The following LRRC8D variants were observed in gnomAD, a reference collection of about 807,000 sequenced individuals.
LRRC8D encodes leucine rich repeat containing 8 VRAC subunit D, also known as volume-regulated anion channel subunit LRRC8D.
A neutral mutation model predicts 55.8 loss-of-function variants in LRRC8D; 20 were observed. That is an observed-to-expected ratio of 0.36 (90% confidence interval 0.25 to 0.52). The LOEUF (loss-of-function observed/expected upper bound fraction) is 0.52. Among genes scored for constraint, LRRC8D ranks in the 20% least tolerant of loss-of-function variants. LRRC8D has a pLI of 0.93. For missense variants in LRRC8D, 651 were observed against 1,030.8 expected (o/e 0.63, Z 5.05); for synonymous variants, 352 against 377.0 (o/e 0.93, Z 0.77).
At chr1:89,863,877 T>G (rs994848367) in intron 2 of LRRC8D, among the ~76,000 whole-genome samples, 1 of 152,232 alleles carries the variant, frequency 6.6e-6, no homozygotes, top group Admixed American at 6.5e-5. Flanking sequence ...CCCAGGGTTG[T>G]TTGTTCTTAG....
chr1:89,849,258 G>A (rs542672703), intron 2 of LRRC8D, among the ~76,000 whole-genome samples: 3 of 152,294 alleles, frequency 2.0e-5, no homozygotes, highest in Admixed American at 2.0e-4. Context: ...GGACATGAAA[G>A]GGTCAACATT....
intron 1 of LRRC8D, among the ~76,000 whole-genome samples, chr1:89,841,941 GGT>G (rs1474785160): frequency 6.6e-6 from 1 of 152,134 alleles, no homozygotes; most frequent in Non-Finnish European, 1.5e-5. Context: ...GGCCAGGAGT[GGT>G]GGTTTACGCC....
chr1:89,884,641 C>G (rs1327673947), intron 2 of LRRC8D, among the ~76,000 whole-genome samples: 1 of 152,166 alleles, frequency 6.6e-6, no homozygotes. Context: ...GCAGGGTGAC[C>G]TTTAGCAAGC....
chr1:89,901,892 A>G (rs745523966), intron 2 of LRRC8D, among the ~76,000 whole-genome samples: 3 of 152,142 alleles, frequency 2.0e-5, no homozygotes, highest in African/African-American at 7.2e-5. Flanking sequence ...TCCTCCTCCT[A>G]AACTTGTTGA....
intron 1 of LRRC8D, among the ~76,000 whole-genome samples, chr1:89,831,913 G>A (rs1660895949): frequency 2.0e-5 from 3 of 152,202 alleles, no homozygotes; most frequent in Admixed American, 2.0e-4. Context: ...ATGACATTGA[G>A]CGGGTATACA....
At chr1:89,910,109 A>G (rs1663099681) in intron 2 of LRRC8D, among the ~76,000 whole-genome samples, 1 of 152,154 alleles carries the variant, frequency 6.6e-6, no homozygotes, top group Admixed American at 6.5e-5. Context: ...TAAAAAATAA[A>G]TCTTCACAGC....
chr1:89,833,066 C>T (rs1660923079), intron 1 of LRRC8D, among the ~76,000 whole-genome samples: 1 of 152,216 alleles, frequency 6.6e-6, no homozygotes, highest in Non-Finnish European at 1.5e-5. Context: ...GCTTCAGGAT[C>T]TGTGCTTTTT....
intron 2 of LRRC8D, among the ~76,000 whole-genome samples, chr1:89,871,982 AT>A (rs1430980104): frequency 6.6e-6 from 1 of 152,156 alleles, no homozygotes; most frequent in Non-Finnish European, 1.5e-5. Context: ...CATTGGGGCC[AT>A]TATGTTTCTA....
At chr1:89,859,604 A>G (rs1661648827) in intron 2 of LRRC8D, among the ~76,000 whole-genome samples, 1 of 152,214 alleles carries the variant, frequency 6.6e-6, no homozygotes, top group Non-Finnish European at 1.5e-5. Flanking sequence ...TTTACCCCAA[A>G]AGGACATAAA....
intron 2 of LRRC8D, among the ~76,000 whole-genome samples, chr1:89,920,844 G>A (rs752293825): frequency 2.1e-4 from 32 of 152,020 alleles, no homozygotes; most frequent in Non-Finnish European, 3.8e-4. Flanking sequence ...ATGTGCTTAC[G>A]TGTCTGTTGA....
chr1:89,893,281 G>T (rs981944553), intron 2 of LRRC8D, among the ~76,000 whole-genome samples: 2 of 152,210 alleles, frequency 1.3e-5, no homozygotes, highest in Admixed American at 1.3e-4. Context: ...CACGTGCAGA[G>T]GTCCTGAGAT....
intron 2 of LRRC8D, among the ~76,000 whole-genome samples, chr1:89,907,132 A>G (rs191067926): frequency 2.0e-5 from 3 of 149,496 alleles, no homozygotes; most frequent in African/African-American, 7.3e-5. Context: ...AGGGTCCCAA[A>G]GGGCTTCCCA....
intron 2 of LRRC8D, among the ~76,000 whole-genome samples, chr1:89,894,845 A>G (rs1234163162): frequency 6.6e-6 from 1 of 152,202 alleles, no homozygotes; most frequent in Admixed American, 6.5e-5. Flanking sequence ...GGGTGAGTAC[A>G]ATATTGGCTG....
rs1322487275 is a variant in LRRC8D at position 89,911,750 on chromosome 1, G to C, written c.-2-21317G>C. ...AGGCCAAAGTGTCAGGTGACTCTCA[G>C]CTGCCAGATCCAGCGGTCACTTTTG... On this transcript the variant is annotated intron_variant, in intron 2 of 2. Transcript: ENST00000337338. This position sits in a 1 kb window ranked among gnomAD's most constrained non-coding sequence, Gnocchi z 4.0. Among the ~76,000 whole-genome samples the C allele has an allele frequency of 6.6e-6, 1 of 152,166 alleles. No individual in the cohort carries two copies. The highest frequency in any genetic ancestry group is 1.5e-5 in the Non-Finnish European group (1 of 68,030).
chr1:89,930,553 G>A (rs1663680039), intron 2 of LRRC8D, among the ~76,000 whole-genome samples: 1 of 152,016 alleles, frequency 6.6e-6, no homozygotes, highest in Non-Finnish European at 1.5e-5. Flanking sequence ...TGCAGTTCAT[G>A]ACTCTTTTTA....
chr1:89,862,478 T>C (rs1358096409), intron 2 of LRRC8D, among the ~76,000 whole-genome samples: 1 of 152,242 alleles, frequency 6.6e-6, no homozygotes, highest in Non-Finnish European at 1.5e-5. Context: ...TATTTGGTTG[T>C]TCTAGGTTAG....
chr1:89,917,944 TC>T (rs1275769079), intron 2 of LRRC8D, among the ~76,000 whole-genome samples: 1 of 152,178 alleles, frequency 6.6e-6, no homozygotes, highest in Non-Finnish European at 1.5e-5. Context: ...AATATTTCTT[TC>T]CCCTACACTA....
chr1:89,907,511 T>G (rs1056316119), intron 2 of LRRC8D, among the ~76,000 whole-genome samples: 21 of 152,242 alleles, frequency 1.4e-4, no homozygotes, highest in African/African-American at 4.6e-4. Context: ...TTAAATCGTG[T>G]ATTGCCTATG....
chr1:89,900,930 C>T (rs1028336199), intron 2 of LRRC8D, among the ~76,000 whole-genome samples: 1 of 152,144 alleles, frequency 6.6e-6, no homozygotes, highest in Admixed American at 6.5e-5. Context: ...CGACTGGAGG[C>T]CAGAGGGGTC....
Sources: allele counts gnomAD v4.1 joint callset (sites outside exome capture counted in the v4.1 genomes callset), GRCh38; gene constraint gnomAD v4.1.1; non-coding constraint Gnocchi (gnomAD v3.1); transcripts MANE v1.5; gene names NCBI Gene and HGNC (gene_info 2026-07-23, HGNC 2026-07-21).